Variants in ADGRG4 observed in about 807,000 individuals in gnomAD.
ADGRG4 encodes the protein G protein-coupled receptor 112.
In ADGRG4, 122 loss-of-function variants were observed where a neutral mutation model predicts 126.2. The observed-to-expected ratio is 0.97, with a 90% confidence interval of 0.83 to 1.12. The LOEUF is 1.12. Ranked by LOEUF, ADGRG4 falls within the 50% of genes most tolerant of loss-of-function variation. The pLI is 0.00. For missense variants in ADGRG4, 2,481 were observed against 2,251.8 expected (o/e 1.10, Z -2.06); for synonymous variants, 943 against 838.7 (o/e 1.12, Z -2.15).
chrX:136,371,904 T>C (rs374233437), intron 14 of ADGRG4, among the ~76,000 whole-genome samples: 3 of 111,654 alleles, frequency 2.7e-5, no homozygotes, highest in African/African-American at 9.8e-5. Context: ...ACAAGATCCC[T>C]CAAGGATACG....
chrX:136,389,065 A>G (rs1158969726), intron 16 of ADGRG4, among the ~76,000 whole-genome samples: 1 of 111,607 alleles, frequency 9.0e-6, no homozygotes, highest in African/African-American at 3.3e-5. Context: ...CACCTCAAAT[A>G]TACCATGTCA....
intron 25 of ADGRG4, among the ~76,000 whole-genome samples, chrX:136,414,865 C>T (rs763392378): frequency 8.9e-6 from 1 of 112,248 alleles, no homozygotes; most frequent in South Asian, 3.7e-4. Context: ...CAGAGATACA[C>T]ATCACTCTTA....
At chrX:136,385,806 T>C (rs1262514217) in intron 15 of ADGRG4, among the ~76,000 whole-genome samples, 1 of 112,271 alleles carries the variant, frequency 8.9e-6, no homozygotes, top group East Asian at 2.8e-4. Context: ...TGATTGGCAG[T>C]TCAAATCTCA....
chrX:136,412,385 T>C lies in ADGRG4; in HGVS notation c.9037+19T>C. The C allele has an allele frequency of 1.0e-6, 1 of 984,370 alleles. No homozygotes were observed. Among genetic ancestry groups the C allele is most frequent in the Non-Finnish European group, 1.5e-6 (1 of 688,261 alleles). The allele number at this position is 984,370 out of a possible 1,213,427, so 81.1% of individuals were successfully genotyped here. A position where few individuals can be genotyped will look rare whatever the true frequency, so the allele number is the denominator to read the frequency against. ...TCTTCTGGTAAGATGTCAGTTTGGATGAAGTTTTGAATATTACATGTTTTA... is the reference window on the plus strand; with the variant it reads ...TCTTCTGGTAAGATGTCAGTTTGGACGAAGTTTTGAATATTACATGTTTTA... On this transcript the variant is annotated intron_variant, in intron 24 of 25. Transcript: ENST00000394143.
chrX:136,319,350 C>T (rs2074824181), intron 4 of ADGRG4, among the ~76,000 whole-genome samples: 1 of 112,191 alleles, frequency 8.9e-6, no homozygotes, highest in Non-Finnish European at 1.9e-5. Context: ...CATGGGGTTG[C>T]ACAGTTTATA....
chrX:136,315,649 C>T (rs986262637), intron 4 of ADGRG4, among the ~76,000 whole-genome samples: 1 of 111,848 alleles, frequency 8.9e-6, no homozygotes, highest in Non-Finnish European at 1.9e-5. Context: ...GTCTTCCCAG[C>T]ATTCATATGT....
At chrX:136,321,410 T>C (rs1297737677) in intron 4 of ADGRG4, among the ~76,000 whole-genome samples, 1 of 111,425 alleles carries the variant, frequency 9.0e-6, no homozygotes, top group Non-Finnish European at 1.9e-5. Flanking sequence ...GAGAGAATAC[T>C]ATATGGTCAG....
At chrX:136,309,344 A>G (rs1352287331) in intron 4 of ADGRG4, among the ~76,000 whole-genome samples, 2 of 111,926 alleles carry the variant, frequency 1.8e-5, no homozygotes, top group Admixed American at 1.9e-4. Flanking sequence ...AAGCACCCAG[A>G]CCTTCCCTAG....
At chrX:136,411,974 C>T (rs1373497780) in intron 23 of ADGRG4, among the ~76,000 whole-genome samples, 3 of 112,888 alleles carry the variant, frequency 2.7e-5, no homozygotes, top group Non-Finnish European at 5.6e-5. Context: ...ACAAGGATGT[C>T]AATGCCAGGA....
At chrX:136,400,663 T>C (rs1160901173) in intron 21 of ADGRG4, among the ~76,000 whole-genome samples, 1 of 112,030 alleles carries the variant, frequency 8.9e-6, no homozygotes, top group Non-Finnish European at 1.9e-5. Context: ...TTCTAACCTC[T>C]ATGGTCTTGC....
At position 136,348,744 on chromosome X, in the gene ADGRG4, C is replaced by T. The variant is rs760177830; in HGVS notation, c.5038C>T (p.Leu1680Phe). Residue 1680 changes from leucine (L) to phenylalanine (F), a missense_variant, in exon 6 of 26, where the codon CTC becomes TTC. Leu to Phe is a conservative substitution (Grantham distance 22). Coordinates refer to ENST00000394143, the MANE Select transcript of ADGRG4 (RefSeq NM_153834.4). ...PFVGTTAFSP[L>F]SSKSTGAISS... Reference sequence around the variant, plus strand: ...TGTAGGCACCACTGCCTTCTCTCCACTCAGTTCTAAGAGCACTGGAGCTAT... The same window carrying T: ...TGTAGGCACCACTGCCTTCTCTCCATTCAGTTCTAAGAGCACTGGAGCTAT... 1 of 1,207,210 alleles carries T rather than the reference C, an allele frequency of 8.3e-7. No individual in the cohort carries two copies. The highest frequency in any genetic ancestry group is 1.1e-6 in the Non-Finnish European group (1 of 894,364).
intron 6 of ADGRG4, 32 bp downstream of exon 6, chrX:136,350,465 C>T (rs758322310): frequency 8.6e-7 from 1 of 1,160,842 alleles, no homozygotes; most frequent in Admixed American, 2.4e-5. Flanking sequence ...GGTGTAGCCC[C>T]AACAGAATTC....
At chrX:136,374,844 T>C (rs1222512083) in intron 15 of ADGRG4, among the ~76,000 whole-genome samples, 2 of 112,052 alleles carry the variant, frequency 1.8e-5, no homozygotes, top group Non-Finnish European at 1.9e-5. Flanking sequence ...TGGTGAAATA[T>C]CTGTTAAAAT....
At chrX:136,354,139 C>A (rs1203521840) in intron 8 of ADGRG4, among the ~76,000 whole-genome samples, 3 of 112,013 alleles carry the variant, frequency 2.7e-5, no homozygotes, top group African/African-American at 9.7e-5. Context: ...AATTATTAAT[C>A]AAGTATTAAT....
At chrX:136,368,025 C>G (rs2075170449) in intron 13 of ADGRG4, among the ~76,000 whole-genome samples, 1 of 111,639 alleles carries the variant, frequency 9.0e-6, no homozygotes, top group Admixed American at 9.5e-5. Flanking sequence ...ACCATCAGGG[C>G]AGGATAGTGA....
At chrX:136,310,646 A>G (rs1271418002) in intron 4 of ADGRG4, among the ~76,000 whole-genome samples, 1 of 111,054 alleles carries the variant, frequency 9.0e-6, no homozygotes, top group African/African-American at 3.3e-5. Context: ...GTGGAGGGTG[A>G]CTCAGAGATG....
intron 5 of ADGRG4, among the ~76,000 whole-genome samples, chrX:136,329,671 A>ATT (rs375937070): frequency 4.3e-5 from 4 of 93,759 alleles, no homozygotes; most frequent in East Asian, 3.4e-4. Flanking sequence ...TTTGCATTTG[A>ATT]TTTTTTTTTT....
At chrX:136,403,489 G>A (rs1301615363) in intron 22 of ADGRG4, among the ~76,000 whole-genome samples, 167 bp downstream of exon 22, 1 of 112,267 alleles carries the variant, frequency 8.9e-6, no homozygotes, top group Non-Finnish European at 1.9e-5. Flanking sequence ...TTAGTTGCCC[G>A]GGTCCTCTAT....
chrX:136,367,874 A>G (rs1313552910), intron 13 of ADGRG4, among the ~76,000 whole-genome samples: 2 of 112,503 alleles, frequency 1.8e-5, no homozygotes, highest in Non-Finnish European at 3.8e-5. Context: ...ACAGAGTTAG[A>G]AAAGGTACTT....
Sources: allele counts gnomAD v4.1 joint callset (sites outside exome capture counted in the v4.1 genomes callset), GRCh38; gene constraint gnomAD v4.1.1; transcripts MANE v1.5; gene names NCBI Gene and HGNC (gene_info 2026-07-23, HGNC 2026-07-21).